CRLF2: variants seen among roughly 807,000 people sequenced by gnomAD.
CRLF2 encodes cytokine receptor like factor 2, also known as cytokine receptor-like factor 2.
CRLF2 carries 41 observed loss-of-function variants against 38.7 expected under a neutral mutation model. The observed-to-expected ratio is 1.06, with a 90% CI of 0.83 to 1.37. CRLF2 has a LOEUF of 1.37. Among genes scored for constraint, CRLF2 ranks in the 40% most tolerant of loss-of-function variants. The pLI, the probability that CRLF2 is intolerant of heterozygous loss-of-function variation, is 0.00. For synonymous variants in CRLF2, 140 were observed against 128.8 expected, an observed-to-expected ratio of 1.09 and a Z score of -0.59; for missense variants, 377 against 322.2, an observed-to-expected ratio of 1.17 and a Z score of -1.30.
At chrX:1,197,152 G>C (rs1356901597) in intron 5 of CRLF2, among the ~76,000 whole-genome samples, 2 of 146,838 alleles carry the variant, frequency 1.4e-5, no homozygotes, top group Non-Finnish European at 3.0e-5. Context: ...GAGTGCAGTG[G>C]CTCCATCTCA....
At chrX:1,194,319 G>T (rs1480575582) in intron 6 of CRLF2, among the ~76,000 whole-genome samples, 7 of 151,094 alleles carry the variant, frequency 4.6e-5, no homozygotes, top group Non-Finnish European at 8.9e-5. Context: ...AAAATTAGCC[G>T]GGTGTGGTGG....
chrX:1,194,083 C>T (rs2086439728), intron 6 of CRLF2, among the ~76,000 whole-genome samples: 2 of 151,768 alleles, frequency 1.3e-5, no homozygotes, highest in African/African-American at 4.8e-5. Context: ...TGAGATTGTG[C>T]CACTGCTCTC....
At chrX:1,198,982 C>A (rs1478595472) in intron 4 of CRLF2, 11 of 530,252 alleles carry the variant, frequency 2.1e-5, no homozygotes, top group Non-Finnish European at 3.8e-5. Context: ...AACCCCGTCT[C>A]TACTGATAAT....
intron 4 of CRLF2, among the ~76,000 whole-genome samples, chrX:1,200,633 T>C (rs375383656): frequency 3.4e-5 from 4 of 117,036 alleles, no homozygotes; most frequent in African/African-American, 1.2e-4. Flanking sequence ...AATATGCATA[T>C]ATAAGGTATG....
chrX:1,193,370 C>G, intron 6 of CRLF2, 68 bp from the exon 7 acceptor site: 1 of 398,456 alleles, frequency 2.5e-6, no homozygotes, highest in Non-Finnish European at 4.4e-6. Flanking sequence ...CAAGAAGCAC[C>G]TACAGGGCAT....
intron 1 of CRLF2, among the ~76,000 whole-genome samples, chrX:1,210,178 G>T (rs1430385860): frequency 1.3e-5 from 2 of 151,652 alleles, no homozygotes; most frequent in African/African-American, 4.8e-5. Flanking sequence ...GACTTTCTAC[G>T]TTTGCTAGGA....
At chrX:1,205,581 G>A (rs2086677591) in intron 3 of CRLF2, among the ~76,000 whole-genome samples, 1 of 152,240 alleles carries the variant, frequency 6.6e-6, no homozygotes, top group East Asian at 1.9e-4. Context: ...AGCATGTTGA[G>A]CTTGCTTTTC....
At chrX:1,191,348 T>TTCTTTCCTTCCTTC (rs1413878313) in intron 7 of CRLF2, among the ~76,000 whole-genome samples, 188 bp from the exon 8 acceptor site, 2 of 122,838 alleles carry the variant, frequency 1.6e-5, no homozygotes, top group East Asian at 5.7e-4. Context: ...TTTCTTTCCT[T>TTCTTTCCTTCCTTC]CTTTCTTTCT....
rs1221014781 is a variant in CRLF2 at position 1,193,208 on chromosome X, G to C, written c.852+10C>G. On this transcript the variant is annotated intron_variant, in intron 7 of 7. Transcript: ENST00000400841. ...GGAGAGGAGAAGAGACACAAGGAGAGGGCGGATACCTGGAAGTTCCCTTGG... is the reference window on the plus strand; with the variant it reads ...GGAGAGGAGAAGAGACACAAGGAGACGGCGGATACCTGGAAGTTCCCTTGG... 6.2e-4 allele frequency: 247 copies of C among 398,512 alleles called. 1 individual carries two copies. Among genetic ancestry groups the C allele is most frequent in the African/African-American group, 4.8e-3 (236 of 48,738 alleles). The allele number at this position is 398,512 out of a possible 1,614,324, so 24.7% of individuals were successfully genotyped here.
At chrX:1,197,095 T>TTTG (rs2086493816) in intron 5 of CRLF2, among the ~76,000 whole-genome samples, 195 bp from the exon 6 acceptor site, 1 of 144,074 alleles carries the variant, frequency 6.9e-6, no homozygotes, top group Admixed American at 7.0e-5. Flanking sequence ...ATCTTTTACT[T>TTTG]TTTTTTTTTT....
intron 6 of CRLF2, among the ~76,000 whole-genome samples, chrX:1,193,946 G>A (rs1249580733): frequency 6.6e-6 from 1 of 151,252 alleles, no homozygotes; most frequent in Non-Finnish European, 1.5e-5. Context: ...GGGCAACAGA[G>A]CGAGACTCCG....
At chrX:1,193,345 C>T (rs1309569975) in intron 6 of CRLF2, 43 bp from the exon 7 acceptor site, 20 of 398,414 alleles carry the variant, frequency 5.0e-5, no homozygotes, top group South Asian at 1.3e-4. Flanking sequence ...GCCACAGCCC[C>T]GCAGGAAGGG....
intron 5 of CRLF2, among the ~76,000 whole-genome samples, chrX:1,197,481 G>A (rs148926264): frequency 5.3e-5 from 8 of 151,994 alleles, no homozygotes; most frequent in East Asian, 1.9e-4. Flanking sequence ...GCTTGCTTTC[G>A]TGTGTTGGTG....
intron 4 of CRLF2, chrX:1,199,184 C>G: frequency 5.3e-6 from 1 of 187,224 alleles, no homozygotes; most frequent in South Asian, 1.0e-4. Flanking sequence ...ACTCTGTTGC[C>G]CAAGCTGGTC....
At chrX:1,191,361 C>CCTTT (rs2086377399) in intron 7 of CRLF2, among the ~76,000 whole-genome samples, 1 of 73,172 alleles carries the variant, frequency 1.4e-5, no homozygotes. Context: ...TTCTTTCTTT[C>CCTTT]CTTTCTTTCT....
At chrX:1,208,544 TGA>T (rs1189761262) in intron 2 of CRLF2, among the ~76,000 whole-genome samples, 1 of 151,910 alleles carries the variant, frequency 6.6e-6, no homozygotes, top group African/African-American at 2.4e-5. Context: ...GGCAACGGAG[TGA>T]GACTCCGACT....
At chrX:1,211,373 A>G (rs1426818764) in intron 1 of CRLF2, among the ~76,000 whole-genome samples, 9 of 147,058 alleles carry the variant, frequency 6.1e-5, no homozygotes, top group Non-Finnish European at 1.0e-4. Flanking sequence ...GGATGGATGG[A>G]TGGATGGATG....
rs2086371200 is a variant in CRLF2, at chrX:1,191,312, T to TCTTTCTTTCTTTCTTTCTTTCTTTC, written c.853-177_853-153dup. 2.7e-5 allele frequency among the ~76,000 whole-genome samples: 3 copies of TCTTTCTTTCTTTCTTTCTTTCTTTC among 111,476 alleles called. No homozygotes were observed. In the East Asian group the frequency reaches 1.0e-3, roughly 38 times the overall value. The allele number at this position is 111,476 out of a possible 152,430, so 73.1% of individuals were successfully genotyped here. On this transcript the variant is annotated intron_variant, in intron 7 of 7. Transcript: ENST00000400841. Reference sequence around the variant, plus strand: ...TTTCTTTTCTCTTTCTTTCTTTCTTTCTTTCTTTCTTTCTTTCTTTCTTTC... The same window carrying TCTTTCTTTCTTTCTTTCTTTCTTTC: ...TTTCTTTTCTCTTTCTTTCTTTCTTTCTTTCTTTCTTTCTTTCTTTCTTTCCTTTCTTTCTTTCTTTCTTTCTTTC...
At chrX:1,211,165 GTGAA>G (rs755069680) in intron 1 of CRLF2, among the ~76,000 whole-genome samples, 3,435 of 122,476 alleles carry the variant, frequency 0.028, 95 homozygotes, top group East Asian at 0.1. Context: ...AGATACATAG[GTGAA>G]TGGATGGATG....
Sources: gnomAD v4.1 joint callset for allele counts (sites outside exome capture counted in the v4.1 genomes callset) on GRCh38, gnomAD v4.1.1 for gene constraint, MANE v1.5 for transcripts, NCBI Gene and HGNC (gene_info 2026-07-23, HGNC 2026-07-21) for gene names.